Variants in MITF observed in about 807,000 individuals in gnomAD.
MITF encodes microphthalmia-associated transcription factor.
A neutral mutation model predicts 60.5 loss-of-function variants in MITF; 17 were observed. That is an observed-to-expected ratio of 0.28 (90% CI 0.19 to 0.42). The LOEUF (loss-of-function observed/expected upper bound fraction) is 0.42, where lower values mean the gene tolerates loss of function less well. Ranked by LOEUF, MITF falls within the 10% of genes least tolerant of loss-of-function variation. The pLI, the probability that MITF is intolerant of heterozygous loss-of-function variation, is 1.00. For missense variants in MITF, 622 were observed against 683.5 expected (o/e 0.91, Z 1.00); for synonymous variants, 260 against 248.5 (o/e 1.05, Z -0.43).
intron 1 of MITF, among the ~76,000 whole-genome samples, chr3:69,768,618 G>T (rs1055958397): frequency 2.6e-5 from 4 of 152,102 alleles, no homozygotes; most frequent in Non-Finnish European, 5.9e-5. Flanking sequence ...CCGGTGTTTG[G>T]AATTCATGTG....
At position 69,917,896 on chromosome 3, in the gene MITF, A is replaced by G. The variant is rs138134944; in HGVS notation, c.355-19926A>G. ...AGACAACTTTTGCTCCAGTTCTGCTAGCATGGTTGGGGACCACATTAAAAT... is the reference window on the plus strand; with the variant it reads ...AGACAACTTTTGCTCCAGTTCTGCTGGCATGGTTGGGGACCACATTAAAAT... On this transcript the variant is annotated intron_variant, in intron 2 of 9. Coordinates refer to ENST00000352241, the MANE Select transcript of MITF (RefSeq NM_001354604.2). Among the ~76,000 whole-genome samples the G allele has an allele frequency of 4.2e-3, 641 of 152,256 alleles. 6 individuals carry two copies. Among genetic ancestry groups the G allele is most frequent in the Non-Finnish European group, 7.3e-3 (499 of 68,004 alleles).
At chr3:69,907,677 A>T (rs1414255325) in intron 2 of MITF, among the ~76,000 whole-genome samples, 1 of 152,178 alleles carries the variant, frequency 6.6e-6, no homozygotes, top group East Asian at 1.9e-4. Flanking sequence ...AGCACTGTTA[A>T]GTCTGGGTAG....
At chr3:69,923,376 G>T (rs2065511766) in intron 2 of MITF, among the ~76,000 whole-genome samples, 1 of 152,154 alleles carries the variant, frequency 6.6e-6, no homozygotes, top group Non-Finnish European at 1.5e-5. Context: ...ATGGAGTCTT[G>T]CTCTGTCACC....
At chr3:69,851,929 T>C (rs1411603367) in intron 1 of MITF, among the ~76,000 whole-genome samples, 2 of 152,164 alleles carry the variant, frequency 1.3e-5, no homozygotes, top group Non-Finnish European at 2.9e-5. Context: ...CTCACAAATA[T>C]TTATTGGTGA....
chr3:69,771,900 T>C (rs1425969512), intron 1 of MITF, among the ~76,000 whole-genome samples: 2 of 152,214 alleles, frequency 1.3e-5, no homozygotes, highest in Non-Finnish European at 2.9e-5. Context: ...AGATTGGGAA[T>C]GGAAAACTTT....
At chr3:69,836,867 T>C (rs1356166947) in intron 1 of MITF, among the ~76,000 whole-genome samples, 1 of 152,116 alleles carries the variant, frequency 6.6e-6, no homozygotes, top group East Asian at 1.9e-4. Context: ...GAGCTCTGGG[T>C]CCCTGGAGGC....
chr3:69,862,309 CT>C (rs2064030984), intron 1 of MITF, among the ~76,000 whole-genome samples: 1 of 152,106 alleles, frequency 6.6e-6, no homozygotes, highest in Non-Finnish European at 1.5e-5. Flanking sequence ...GAACCATTGG[CT>C]GGGATCATAA....
At chr3:69,881,466 T>C (rs2064485904) in intron 2 of MITF, among the ~76,000 whole-genome samples, 1 of 152,076 alleles carries the variant, frequency 6.6e-6, no homozygotes, top group Non-Finnish European at 1.5e-5. Flanking sequence ...GAATACACGA[T>C]TTTATTAAGA....
Position 69,855,559 on chromosome 3 carries a change from A to AT in MITF, c.105-23565dup, listed in dbSNP as rs34422846. ...AGCTCTCCCGTAACTTTGTGTAATGATTTTTTTTTTCAAGTACAACACAAA... is the reference window on the plus strand; with the variant it reads ...AGCTCTCCCGTAACTTTGTGTAATGATTTTTTTTTTTCAAGTACAACACAAA... On this transcript the variant is annotated intron_variant, in intron 1 of 9. Transcript: ENST00000352241. Among the ~76,000 whole-genome samples, 520 of 150,302 alleles carry AT rather than the reference A, an allele frequency of 3.5e-3. 4 individuals are homozygous for AT. Among genetic ancestry groups the AT allele is most frequent in the South Asian group, 0.022 (106 of 4,730 alleles).
chr3:69,853,767 T>G (rs1485664544), intron 1 of MITF, among the ~76,000 whole-genome samples: 2 of 152,186 alleles, frequency 1.3e-5, no homozygotes, highest in African/African-American at 4.8e-5. Context: ...CACATCTGTC[T>G]TGATTTTATC....
At chr3:69,952,761 A>C (rs1576038168) in intron 7 of MITF, among the ~76,000 whole-genome samples, 1 of 152,236 alleles carries the variant, frequency 6.6e-6, no homozygotes, top group African/African-American at 2.4e-5. Flanking sequence ...ATGGATTTCT[A>C]TATGTTTTAA....
At chr3:69,795,463 T>C (rs2062812433) in intron 1 of MITF, among the ~76,000 whole-genome samples, 2 of 152,210 alleles carry the variant, frequency 1.3e-5, no homozygotes, top group African/African-American at 4.8e-5. Flanking sequence ...TAGCGGCTTA[T>C]TCCTATAATC....
rs2066738030 is a variant in MITF at position 69,968,203 on chromosome 3, T to G, written c.*2955T>G. 1 of 232,908 alleles carries G rather than the reference T, an allele frequency of 4.3e-6. No homozygotes were observed. The highest frequency in any genetic ancestry group is 5.6e-5 in the Admixed American group (1 of 17,776). 14.4% of individuals were successfully genotyped at this position (232,908 alleles called of 1,614,324 possible). ...CTTGGTACTGTAATGTTAATAATAG[T>G]CACCTGCTGTTGGATGCAGCAATAA... is the stretch of plus-strand genomic sequence containing the variant. On this transcript the variant is annotated 3_prime_UTR_variant, in exon 10 of 10. Transcript: ENST00000352241.
chr3:69,894,478 G>T (rs1158688135), intron 2 of MITF, among the ~76,000 whole-genome samples: 1 of 152,114 alleles, frequency 6.6e-6, no homozygotes, highest in African/African-American at 2.4e-5. Context: ...CTGAGGTCAG[G>T]AGTTCGAGAC....
At chr3:69,874,376 G>T (rs955836125) in intron 1 of MITF, among the ~76,000 whole-genome samples, 1 of 152,134 alleles carries the variant, frequency 6.6e-6, no homozygotes, top group Non-Finnish European at 1.5e-5. Flanking sequence ...TAGATTCCTT[G>T]TATCCAAAAG....
At chr3:69,809,564 G>A (rs1339316826) in intron 1 of MITF, among the ~76,000 whole-genome samples, 1 of 149,734 alleles carries the variant, frequency 6.7e-6, no homozygotes, top group Non-Finnish European at 1.5e-5. Context: ...TAAAGGTTAT[G>A]AATTAAAAAC....
rs112050657 is a variant in MITF at position 69,795,334 on chromosome 3, T to C, written c.104+55633T>C. ...TTAAGAGAGCCTGATATACGACACT[T>C]CTAATTTTTAAAAAACATATAGAAA... On this transcript the variant is annotated intron_variant, in intron 1 of 9. Transcript: ENST00000352241. 4.3e-3 allele frequency among the ~76,000 whole-genome samples: 659 copies of C among 152,338 alleles called. 6 individuals carry two copies. The highest frequency in any genetic ancestry group is 0.015 in the African/African-American group (611 of 41,564).
intron 1 of MITF, among the ~76,000 whole-genome samples, chr3:69,878,922 G>T (rs1274294290): frequency 6.6e-6 from 1 of 151,884 alleles, no homozygotes. Context: ...AAAATGCCTT[G>T]ATGCAATCAA....
intron 1 of MITF, among the ~76,000 whole-genome samples, chr3:69,838,215 T>C (rs1235948224): frequency 6.6e-6 from 1 of 152,160 alleles, no homozygotes; most frequent in Non-Finnish European, 1.5e-5. Context: ...AGGCTATGCG[T>C]TTCACATTAG....
Sources: gnomAD v4.1 joint callset for allele counts (sites outside exome capture counted in the v4.1 genomes callset) on GRCh38, gnomAD v4.1.1 for gene constraint, MANE v1.5 for transcripts, NCBI Gene and HGNC (gene_info 2026-07-23, HGNC 2026-07-21) for gene names.